ENO3: variants seen among roughly 807,000 people sequenced by gnomAD.
ENO3 encodes the protein enolase 3, also known as beta-enolase.
In ENO3, 46 loss-of-function variants were observed where a neutral mutation model predicts 47.7. The observed-to-expected ratio is 0.96, with a 90% CI of 0.76 to 1.23. The LOEUF (loss-of-function observed/expected upper bound fraction) is 1.23, where lower values mean the gene tolerates loss of function less well. Among genes scored for constraint, ENO3 ranks in the 50% most tolerant of loss-of-function variants. The pLI is 0.00. For missense variants in ENO3, 575 were observed against 566.2 expected (o/e 1.02, Z -0.16); for synonymous variants, 223 against 225.9 (o/e 0.99, Z 0.11).
chr17:4,951,167 A>G lies in ENO3; in HGVS notation c.-18A>G, dbSNP rs1271335854. On this transcript the variant is annotated 5_prime_UTR_variant, in exon 1 of 12. Coordinates refer to ENST00000519602, the MANE Select transcript of ENO3 (RefSeq NM_053013.4). Reference sequence around the variant, plus strand: ...GACTCGGAGCTCCATCCAAACCTCCAGCGAAGACATCCCAGGTCGGGTGAA... The same window carrying G: ...GACTCGGAGCTCCATCCAAACCTCCGGCGAAGACATCCCAGGTCGGGTGAA... 4.0e-6 allele frequency: 4 copies of G among 989,964 alleles called. No individual in the cohort carries two copies. The East Asian group carries it at 3.4e-4, about 83-fold the overall frequency. 61.3% of individuals were successfully genotyped at this position (989,964 alleles called of 1,614,324 possible).
chr17:4,952,405 G>A (rs979268781), intron 2 of ENO3: 3 of 330,974 alleles, frequency 9.1e-6, no homozygotes, highest in Admixed American at 9.0e-5. Context: ...GTGCAGTGGC[G>A]CGATCTAGGC....
At chr17:4,951,939 C>T (rs1170332824) in intron 2 of ENO3, 25 bp downstream of exon 2, 1 of 1,613,102 alleles carries the variant, frequency 6.2e-7, no homozygotes, top group Non-Finnish European at 8.5e-7. Context: ...ATTGGATAGG[C>T]TCGCCTCCGA....
At chr17:4,952,014 C>G in intron 2 of ENO3, 100 bp downstream of exon 2, 1 of 1,339,772 alleles carries the variant, frequency 7.5e-7, no homozygotes, top group African/African-American at 1.4e-5. Context: ...CTCTCGGGTT[C>G]CCTTTCCCAG....
Position 4,951,906 on chromosome 17 carries a change from C to G in ENO3, c.77C>G (p.Thr26Arg), listed in dbSNP as rs199677913. 4 of 1,614,140 alleles carry G rather than the reference C, an allele frequency of 2.5e-6. No individual in the cohort carries two copies. Among genetic ancestry groups the G allele is most frequent in the Admixed American group, 1.7e-5 (1 of 60,020 alleles). Residue 26 changes from threonine (T) to arginine (R), a missense_variant, in exon 2 of 12, where the codon ACG (threonine) becomes AGG (arginine). Physicochemically the swap from Thr to Arg is moderately conservative, Grantham distance 71. Coordinates refer to ENST00000519602, the MANE Select transcript of ENO3 (RefSeq NM_053013.4). ...GNPTVEVDLH[T>R]AKGRFRAAVP... ...CCCACGGTGGAGGTGGACCTGCACA[C>G]GGCCAAGGGTAACACAAGGCCCATT...
At chr17:4,955,031 T>G (rs1971673314) in intron 6 of ENO3, 44 bp from the exon 7 acceptor site, 4 of 1,480,790 alleles carry the variant, frequency 2.7e-6, no homozygotes, top group Non-Finnish European at 3.7e-6. Context: ...CTTCTTGAGC[T>G]CTCATGCCCC....
At chr17:4,955,770 T>A in intron 8 of ENO3, 166 bp downstream of exon 8, 1 of 1,300,086 alleles carries the variant, frequency 7.7e-7, no homozygotes, top group South Asian at 1.2e-5. Context: ...ATGAGGCTCC[T>A]TCTGACCTCT....
intron 5 of ENO3, 114 bp downstream of exon 5, chr17:4,953,455 G>T: frequency 6.7e-7 from 1 of 1,482,492 alleles, no homozygotes; most frequent in Non-Finnish European, 9.4e-7. Flanking sequence ...TCACACCGCA[G>T]CTGGATGGAT....
chr17:4,955,284 G>A lies in ENO3; in HGVS notation c.654G>A (p.Leu218=). ...GDEGGFAPNI[L]ENNEALELLK... is the part of the protein sequence containing the mutation. ...AAGGTGGCTTCGCACCCAACATCCT[G>A]GAGAACAATGAGGGTCAGTGCTGAG... Residue 218 remains leucine, a synonymous_variant, in exon 7 of 12, where the codon CTG becomes CTA. Transcript: ENST00000519602. The A allele has an allele frequency of 6.2e-7, 1 of 1,614,272 alleles. No homozygotes were observed. The highest frequency in any genetic ancestry group is 1.1e-5 in the South Asian group (1 of 91,092).
intron 6 of ENO3, among the ~76,000 whole-genome samples, chr17:4,954,815 A>T (rs922988426): frequency 5.9e-5 from 9 of 151,590 alleles, no homozygotes; most frequent in African/African-American, 1.2e-4. Context: ...AGGGAGGCTA[A>T]GGCAGGAGAA....
rs1263010938 is a variant in ENO3, at chr17:4,955,400, C to T, written c.668-7C>T. 6.8e-6 allele frequency: 11 copies of T among 1,614,214 alleles called. No homozygotes were observed. The highest frequency in any genetic ancestry group is 9.3e-6 in the Non-Finnish European group (11 of 1,180,032). On this transcript the variant is annotated splice_polypyrimidine_tract_variant and splice_region_variant and intron_variant, in intron 7 of 11. Coordinates refer to ENST00000519602, the MANE Select transcript of ENO3 (RefSeq NM_053013.4). The stretch of plus-strand genomic sequence containing the variant: ...GAGTCTCAGGTCCTTTCTTGGTCCT[C>T]CCCCAGCCCTGGAGCTGCTGAAGAC...
At chr17:4,950,422 C>T (rs1042394455), upstream of ENO3, 12 of 302,322 alleles carry the variant, frequency 4.0e-5, no homozygotes, top group Non-Finnish European at 3.9e-5. Flanking sequence ...GTGCGCTGAG[C>T]GCCCACAGTC....
At chr17:4,952,988 C>T in intron 3 of ENO3, 63 bp from the exon 4 acceptor site, 1 of 1,611,118 alleles carries the variant, frequency 6.2e-7, no homozygotes, top group Non-Finnish European at 8.5e-7. Flanking sequence ...TCTTGAGGAG[C>T]TGGGGTCCAC....
Position 4,953,848 on chromosome 17 carries a change from G to C in ENO3, c.444+3G>C. On this transcript the variant is annotated splice_donor_region_variant and intron_variant, in intron 6 of 11. Transcript: ENST00000519602. ...CTGACCTCATACTCCCAGTGCCAGT[G>C]AGTGCAGCTACCCGCCCTTCCCAGA... 1 of 1,614,118 alleles carries C rather than the reference G, an allele frequency of 6.2e-7. No individual in the cohort carries two copies. Among genetic ancestry groups the C allele is most frequent in the South Asian group, 1.1e-5 (1 of 91,078 alleles).
At chr17:4,953,691 T>G (rs748119601) in intron 5 of ENO3, 21 bp from the exon 6 acceptor site, 1 of 1,614,222 alleles carries the variant, frequency 6.2e-7, no homozygotes, top group Non-Finnish European at 8.5e-7. Flanking sequence ...TCATCCTTTC[T>G]TCCCGCTTGC....
At chr17:4,955,019 C>G (rs1971673078) in intron 6 of ENO3, 56 bp from the exon 7 acceptor site, 4 of 1,433,564 alleles carry the variant, frequency 2.8e-6, no homozygotes, top group African/African-American at 1.4e-5. Flanking sequence ...CCGCCCCTGT[C>G]CCTTCTTGAG....
upstream of ENO3, among the ~76,000 whole-genome samples, chr17:4,949,925 C>T (rs1396219789): frequency 6.6e-6 from 1 of 152,040 alleles, no homozygotes; most frequent in African/African-American, 2.4e-5. Context: ...CATCTCCTGA[C>T]CCCTGGCCCA....
chr17:4,953,913 G>A (rs1465098589), intron 6 of ENO3, 68 bp downstream of exon 6: 2 of 1,611,298 alleles, frequency 1.2e-6, no homozygotes, highest in Non-Finnish European at 1.7e-6. Flanking sequence ...GCCAGGGTTG[G>A]CCCCCCTGGA....
rs201571802 is a variant in ENO3, at chr17:4,952,785, C to T, written c.86-10C>T. 3,115 of 1,602,690 alleles carry T rather than the reference C, an allele frequency of 1.9e-3. 9 individuals carry two copies. Among genetic ancestry groups the T allele is most frequent in the Admixed American group, 2.5e-3 (145 of 58,900 alleles). On this transcript the variant is annotated splice_polypyrimidine_tract_variant and intron_variant, in intron 2 of 11. Transcript: ENST00000519602. Reference sequence around the variant, plus strand: ...CCATCCCTGTGATCTTCCAATTCCTCCTGTCCCAGGCCGATTCCGAGCAGC... The same window carrying T: ...CCATCCCTGTGATCTTCCAATTCCTTCTGTCCCAGGCCGATTCCGAGCAGC...
At chr17:4,953,193 C>T in intron 4 of ENO3, 79 bp from the exon 5 acceptor site, 3 of 1,612,778 alleles carry the variant, frequency 1.9e-6, no homozygotes, top group Non-Finnish European at 2.5e-6. Context: ...GAAACATTTT[C>T]CCTTATCCTT....
Sources: allele counts gnomAD v4.1 joint callset (sites outside exome capture counted in the v4.1 genomes callset), GRCh38; gene constraint gnomAD v4.1.1; transcripts MANE v1.5; gene names NCBI Gene and HGNC (gene_info 2026-07-23, HGNC 2026-07-21).